The following FGF14 variants were observed in gnomAD, a reference collection of about 807,000 sequenced individuals.
The protein encoded by FGF14 is fibroblast growth factor homologous factor 4.
FGF14 carries 5 observed loss-of-function variants against 25.5 expected under a neutral mutation model. The ratio of observed to expected loss-of-function variants is 0.20; its 90% CI spans 0.10 to 0.41. FGF14 has a LOEUF of 0.41. Ranked by LOEUF, FGF14 falls within the 10% of genes least tolerant of loss-of-function variation. The pLI, the probability that FGF14 is intolerant of heterozygous loss-of-function variation, is 1.00. For synonymous variants in FGF14, 138 were observed against 118.3 expected (o/e 1.17, Z -1.08); for missense variants, 222 against 320.1 (o/e 0.69, Z 2.34).
chr13:102,391,877 G>A (rs535710428), intron 1 of FGF14, among the ~76,000 whole-genome samples: 12 of 152,094 alleles, frequency 7.9e-5, no homozygotes, highest in Non-Finnish European at 1.8e-4. Flanking sequence ...TACAACACCT[G>A]GTATACAGCA....
In FGF14 at chr13:102,009,049, C is replaced by G. The variant is rs565166832; in HGVS notation, c.209-133753G>C. Among the ~76,000 whole-genome samples the G allele has an allele frequency of 4.7e-4, 72 of 152,164 alleles. 2 individuals are homozygous for G. The South Asian group carries it at 0.014, about 30-fold the overall frequency. ...AAAAATTTCTCCTTTAATATAAAAGCCATACATGTCCTTTGAAGAAAACAA... is the reference window on the plus strand; with the variant it reads ...AAAAATTTCTCCTTTAATATAAAAGGCATACATGTCCTTTGAAGAAAACAA... On this transcript the variant is annotated intron_variant, in intron 1 of 4. Coordinates refer to the FGF14 transcript ENST00000376131.
chr13:102,249,944 A>G (rs2141065278), intron 1 of FGF14, among the ~76,000 whole-genome samples: 1 of 152,240 alleles, frequency 6.6e-6, no homozygotes, highest in East Asian at 1.9e-4. Context: ...GCTCTCTGAC[A>G]GTGGACTAAG....
chr13:102,041,042 T>C (rs566853253), intron 1 of FGF14, among the ~76,000 whole-genome samples: 8 of 152,096 alleles, frequency 5.3e-5, no homozygotes, highest in African/African-American at 1.7e-4. Flanking sequence ...ATGAACTGAA[T>C]TGAACTCCAC....
intron 1 of FGF14, among the ~76,000 whole-genome samples, chr13:102,314,136 T>A (rs976039268): frequency 5.3e-5 from 8 of 152,170 alleles, no homozygotes; most frequent in African/African-American, 1.9e-4. Flanking sequence ...TCAGTTGAAA[T>A]ATAAGAGACA....
At chr13:101,938,706 G>A (rs938577005) in intron 1 of FGF14, among the ~76,000 whole-genome samples, 6 of 152,170 alleles carry the variant, frequency 3.9e-5, no homozygotes, top group Admixed American at 1.3e-4. Flanking sequence ...CCTAGATATC[G>A]GGTGTATGTC....
chr13:101,967,361 CATAA>C (rs2037278400), intron 1 of FGF14, among the ~76,000 whole-genome samples: 2 of 152,322 alleles, frequency 1.3e-5, no homozygotes, highest in African/African-American at 4.8e-5. Flanking sequence ...TGACTGTTTT[CATAA>C]TGTTTTCCTT....
At chr13:102,041,323 T>C (rs1014572574) in intron 1 of FGF14, among the ~76,000 whole-genome samples, 1 of 152,092 alleles carries the variant, frequency 6.6e-6, no homozygotes, top group African/African-American at 2.4e-5. Flanking sequence ...TGTAAAGTTA[T>C]AGAATAAACT....
chr13:101,770,463 T>C (rs1189297636), intron 3 of FGF14, among the ~76,000 whole-genome samples: 1 of 152,106 alleles, frequency 6.6e-6, no homozygotes, highest in Non-Finnish European at 1.5e-5. Flanking sequence ...TAATGATTAA[T>C]AAAATAAATA....
At chr13:101,888,176 A>G (rs545076611) in intron 1 of FGF14, among the ~76,000 whole-genome samples, 5 of 152,304 alleles carry the variant, frequency 3.3e-5, no homozygotes, top group African/African-American at 1.2e-4. Context: ...AAGTCTGCAC[A>G]CTGAACATCA....
intron 3 of FGF14, among the ~76,000 whole-genome samples, chr13:101,768,575 C>T (rs1048851108): frequency 1.3e-5 from 2 of 152,080 alleles, no homozygotes; most frequent in African/African-American, 2.4e-5. Context: ...ACTCACTATA[C>T]AGTTACCATA....
intron 1 of FGF14, among the ~76,000 whole-genome samples, chr13:102,322,837 G>T (rs897235413): frequency 3.3e-5 from 5 of 150,986 alleles, no homozygotes; most frequent in Non-Finnish European, 7.4e-5. Flanking sequence ...ATACATTCCC[G>T]TACTGTCCCA....
Position 102,275,720 on chromosome 13 carries a change from G to T in FGF14, c.208+125751C>A, listed in dbSNP as rs1351806116. On this transcript the variant is annotated intron_variant, in intron 1 of 4. Transcript: ENST00000376131. The stretch of plus-strand genomic sequence containing the variant: ...TCCTGTGAGTAGTGTGAGTCCAAAG[G>T]ATTCTGGATCCTCCAAGAAAATACT... Among the ~76,000 whole-genome samples, 3 of 152,090 alleles carry T rather than the reference G, an allele frequency of 2.0e-5. No individual in the cohort carries two copies. The East Asian group carries it at 5.8e-4, about 29-fold the overall frequency.
intron 1 of FGF14, among the ~76,000 whole-genome samples, chr13:102,084,864 C>T (rs914243956): frequency 2.6e-5 from 4 of 152,176 alleles, no homozygotes; most frequent in African/African-American, 9.7e-5. Flanking sequence ...ATACTCCTTA[C>T]TACAAAAAGC....
chr13:101,961,427 C>T (rs1594838203), intron 1 of FGF14, among the ~76,000 whole-genome samples: 1 of 152,146 alleles, frequency 6.6e-6, no homozygotes, highest in East Asian at 1.9e-4. Context: ...TTTCCCAGAA[C>T]CATTTATTAG....
chr13:102,339,619 A>G (rs1200181826), intron 1 of FGF14, among the ~76,000 whole-genome samples: 1 of 152,216 alleles, frequency 6.6e-6, no homozygotes, highest in Admixed American at 6.5e-5. Flanking sequence ...AATCGAATGC[A>G]GTGATATCCT....
intron 1 of FGF14, among the ~76,000 whole-genome samples, chr13:101,953,357 C>G (rs2036293683): frequency 6.6e-6 from 1 of 151,958 alleles, no homozygotes; most frequent in Non-Finnish European, 1.5e-5. Flanking sequence ...AGCTGAACAC[C>G]CTGAGTGTTT....
Position 101,900,715 on chromosome 13 carries a change from C to T in FGF14, c.193+15738G>A, listed in dbSNP as rs775803087. Among the ~76,000 whole-genome samples, 48 of 152,046 alleles carry T rather than the reference C, an allele frequency of 3.2e-4. 2 individuals are homozygous for T. The South Asian group carries it at 3.5e-3, about 11-fold the overall frequency. ...CACATGAGGAGCGTTTCTTGGGGGCCGGGTAGTGCTCTATTCTTGATCCGC... is the reference window on the plus strand; with the variant it reads ...CACATGAGGAGCGTTTCTTGGGGGCTGGGTAGTGCTCTATTCTTGATCCGC... On this transcript the variant is annotated intron_variant, in intron 1 of 4. Coordinates refer to ENST00000376143, the MANE Select transcript of FGF14 (RefSeq NM_004115.4).
At chr13:101,895,298 T>C (rs561590852) in intron 1 of FGF14, among the ~76,000 whole-genome samples, 2 of 152,262 alleles carry the variant, frequency 1.3e-5, no homozygotes, top group South Asian at 4.1e-4. Context: ...TTTCTGAAGT[T>C]TGATAATGTA....
chr13:102,220,950 T>C (rs972715824), intron 1 of FGF14, among the ~76,000 whole-genome samples: 8 of 152,118 alleles, frequency 5.3e-5, no homozygotes, highest in Non-Finnish European at 1.0e-4. Flanking sequence ...AATAAGGAAA[T>C]GCACTACACA....
Sources: gnomAD v4.1 joint callset for allele counts (sites outside exome capture counted in the v4.1 genomes callset) on GRCh38, gnomAD v4.1.1 for gene constraint, MANE v1.5 for transcripts, NCBI Gene and HGNC (gene_info 2026-07-23, HGNC 2026-07-21) for gene names.